The following AUTS2 variants were observed in gnomAD, a reference collection of about 807,000 sequenced individuals.
AUTS2 encodes activator of transcription and developmental regulator AUTS2, also known as autism susceptibility gene 2 protein.
A neutral mutation model predicts 112.4 loss-of-function variants in AUTS2; 17 were observed. The ratio of observed to expected loss-of-function variants is 0.15; its 90% CI spans 0.10 to 0.23. AUTS2 has a LOEUF of 0.23. Ranked by LOEUF, AUTS2 falls within the 10% of genes least tolerant of loss-of-function variation. AUTS2 has a pLI of 1.00. For synonymous variants in AUTS2, 751 were observed against 702.7 expected, an observed-to-expected ratio of 1.07 and a Z score of -1.09; for missense variants, 1,510 against 1,701.6, an observed-to-expected ratio of 0.89 and a Z score of 1.98.
chr7:69,789,646 A>T (rs539964352), intron 1 of AUTS2, among the ~76,000 whole-genome samples: 45 of 152,208 alleles, frequency 3.0e-4, no homozygotes, highest in African/African-American at 9.4e-4. Context: ...GCTGTTGGAG[A>T]ATATAGAACA....
chr7:70,771,696 G>A (rs372582568), intron 11 of AUTS2, 52 bp downstream of exon 11: 19 of 1,533,344 alleles, frequency 1.2e-5, no homozygotes, highest in East Asian at 6.8e-5. Flanking sequence ...GTGGCGTCCC[G>A]GGCCAGGCGT....
Position 70,793,082 on chromosome 7 carries a change from GGTTT to G in AUTS2, c.*2091_*2094del, listed in dbSNP as rs1792069273. 8.4e-6 allele frequency: 1 copy of G among 118,820 alleles called. No individual in the cohort carries two copies. Among genetic ancestry groups the G allele is most frequent in the Admixed American group, 9.0e-5 (1 of 11,136 alleles). 7.4% of individuals were successfully genotyped at this position (118,820 alleles called of 1,614,324 possible). Reference sequence around the variant, plus strand: ...ATTTGCACCCCACACAGTCGCTTGTGGTTTGTTTTTTGAGGAGGGGGGGTTCTGT... The same window carrying G: ...ATTTGCACCCCACACAGTCGCTTGTGGTTTTTTGAGGAGGGGGGGTTCTGT... On this transcript the variant is annotated 3_prime_UTR_variant, in exon 19 of 19. Transcript: ENST00000342771.
chr7:70,563,550 A>C (rs1801578062), intron 5 of AUTS2, among the ~76,000 whole-genome samples: 1 of 152,184 alleles, frequency 6.6e-6, no homozygotes, highest in Non-Finnish European at 1.5e-5. Context: ...TTTATACTTT[A>C]TTAAAATTGG....
At chr7:70,721,296 G>GTGTGTGTGTT (rs1786653604) in intron 6 of AUTS2, among the ~76,000 whole-genome samples, 2 of 151,336 alleles carry the variant, frequency 1.3e-5, no homozygotes, top group Non-Finnish European at 1.5e-5. Flanking sequence ...GTGTGTGTGT[G>GTGTGTGTGTT]TGTGTGTGTG....
chr7:69,737,881 C>T (rs1164366575), intron 1 of AUTS2, among the ~76,000 whole-genome samples: 1 of 152,202 alleles, frequency 6.6e-6, no homozygotes, highest in Non-Finnish European at 1.5e-5. Context: ...ATTGAGAGAA[C>T]ATCCTAACTG....
chr7:70,048,454 G>A (rs890198527), intron 2 of AUTS2, among the ~76,000 whole-genome samples: 2 of 152,174 alleles, frequency 1.3e-5, no homozygotes, highest in African/African-American at 4.8e-5. Context: ...ATCTCACTTA[G>A]AGTAATTATC....
intron 5 of AUTS2, among the ~76,000 whole-genome samples, chr7:70,579,193 T>C (rs140775103): frequency 7.6e-6 from 1 of 131,382 alleles, no homozygotes; most frequent in Non-Finnish European, 1.5e-5. Context: ...CCTCCACAAG[T>C]GTTGAGGTTG....
intron 1 of AUTS2, among the ~76,000 whole-genome samples, chr7:69,754,524 G>A (rs1409344344): frequency 6.6e-6 from 1 of 152,078 alleles, no homozygotes; most frequent in African/African-American, 2.4e-5. Flanking sequence ...ATTTGCTCAT[G>A]GCATGGTAGA....
chr7:70,624,109 C>G (rs1011763926), intron 5 of AUTS2, among the ~76,000 whole-genome samples: 21 of 152,288 alleles, frequency 1.4e-4, no homozygotes, highest in African/African-American at 4.6e-4. Context: ...ATACCTTGGG[C>G]TTATTGATAA....
At chr7:70,644,081 T>A (rs933650679) in intron 5 of AUTS2, among the ~76,000 whole-genome samples, 2 of 152,170 alleles carry the variant, frequency 1.3e-5, no homozygotes, top group Admixed American at 1.3e-4. Context: ...ACTGCTTCCG[T>A]TGATTTTTCC....
chr7:69,841,511 G>C lies in AUTS2; in HGVS notation c.310-57775G>C, dbSNP rs538698060. Among the ~76,000 whole-genome samples the C allele has an allele frequency of 1.5e-4, 23 of 152,286 alleles. No homozygotes were observed. The East Asian group carries it at 2.7e-3, about 18-fold the overall frequency. ...TCAACATCAGGTTTGGGCAGGGACAGATATCCAAACTATAACACAAGGTTT... is the reference window on the plus strand; with the variant it reads ...TCAACATCAGGTTTGGGCAGGGACACATATCCAAACTATAACACAAGGTTT... On this transcript the variant is annotated intron_variant, in intron 1 of 18. Transcript: ENST00000342771.
chr7:70,352,112 T>A (rs1791795617), intron 4 of AUTS2, among the ~76,000 whole-genome samples: 2 of 152,238 alleles, frequency 1.3e-5, no homozygotes, highest in African/African-American at 4.8e-5. Flanking sequence ...TAGATACTAC[T>A]GTTAATCCCA....
chr7:69,848,132 C>T (rs545254483), intron 1 of AUTS2, among the ~76,000 whole-genome samples: 1 of 152,294 alleles, frequency 6.6e-6, no homozygotes, highest in African/African-American at 2.4e-5. Context: ...AGGTGGCCCT[C>T]ATACCCTCAT....
chr7:70,548,605 G>A (rs4718958), intron 5 of AUTS2, among the ~76,000 whole-genome samples: 120,089 of 152,130 alleles, frequency 0.79, 48,040 homozygotes, highest in Non-Finnish European at 0.84. Context: ...GTCTAGTTCT[G>A]TGTTCCTGCA....
chr7:70,724,766 G>A (rs1215631417), intron 6 of AUTS2, among the ~76,000 whole-genome samples: 1 of 152,174 alleles, frequency 6.6e-6, no homozygotes, highest in African/African-American at 2.4e-5. Flanking sequence ...TTCTTTATGT[G>A]TAAGGTGCTA....
chr7:70,084,204 G>T (rs1257907274), intron 2 of AUTS2, among the ~76,000 whole-genome samples: 1 of 151,990 alleles, frequency 6.6e-6, no homozygotes, highest in African/African-American at 2.4e-5. Flanking sequence ...TTGGAGGAGG[G>T]GGGGTTCTGG....
At chr7:69,940,417 C>T (rs2129544903) in intron 2 of AUTS2, among the ~76,000 whole-genome samples, 1 of 152,226 alleles carries the variant, frequency 6.6e-6, no homozygotes, top group Non-Finnish European at 1.5e-5. Flanking sequence ...AAAACTATTC[C>T]AACATGTGTA....
At chr7:69,739,288 T>G (rs1787165502) in intron 1 of AUTS2, among the ~76,000 whole-genome samples, 3 of 152,166 alleles carry the variant, frequency 2.0e-5, no homozygotes, top group Admixed American at 2.0e-4. Context: ...GATGAAATCA[T>G]ACATTTAAAT....
chr7:70,198,387 T>A (rs1402316087), intron 4 of AUTS2, among the ~76,000 whole-genome samples: 3 of 151,994 alleles, frequency 2.0e-5, no homozygotes, highest in African/African-American at 7.3e-5. Context: ...ACGATCAAAT[T>A]ACTCTGAGCT....
Sources: gnomAD v4.1 joint callset for allele counts (sites outside exome capture counted in the v4.1 genomes callset) on GRCh38, gnomAD v4.1.1 for gene constraint, MANE v1.5 for transcripts, NCBI Gene and HGNC (gene_info 2026-07-23, HGNC 2026-07-21) for gene names.